OR4D9: variants seen among roughly 807,000 people sequenced by gnomAD.
The protein encoded by OR4D9 is olfactory receptor 4D9.
A neutral mutation model predicts 0.8 loss-of-function variants in OR4D9; 2 were observed. The observed-to-expected ratio is 2.58, with a 90% confidence interval of 1.06 to 8.13. The LOEUF (loss-of-function observed/expected upper bound fraction) is 8.13, where lower values mean the gene tolerates loss of function less well. OR4D9 is among the 30% of genes most tolerant of loss of function. The probability of loss-of-function intolerance (pLI) is 0.04; values close to 1 mark genes in which losing one functional copy is unlikely to be tolerated. For missense variants in OR4D9, 399 were observed against 384.7 expected (o/e 1.04, Z -0.31); for synonymous variants, 146 against 151.2 (o/e 0.97, Z 0.25).
rs1016392788 is a variant in OR4D9 at position 59,520,273 on chromosome 11, C to T, written c.*4416C>T. 1 of 152,050 alleles carries T rather than the reference C, an allele frequency of 6.6e-6. No homozygotes were observed. The highest frequency in any genetic ancestry group is 1.5e-5 in the Non-Finnish European group (1 of 68,030). The allele number at this position is 152,050 out of a possible 1,614,324, so 9.4% of individuals were successfully genotyped here. The stretch of plus-strand genomic sequence containing the variant: ...TACTCATGTAACAAGCCTACACATG[C>T]ACCCGTTGAACCTAAAATAAAAGTT... On this transcript the variant is annotated 3_prime_UTR_variant, in exon 3 of 3. Coordinates refer to ENST00000641962, the MANE Select transcript of OR4D9 (RefSeq NM_001004711.2).
Position 59,516,496 on chromosome 11 carries a change from A to AAAAAAAT in OR4D9, c.*650_*656dup, listed in dbSNP as rs1303695429. 1 of 151,944 alleles carries AAAAAAAT rather than the reference A, an allele frequency of 6.6e-6. No individual in the cohort carries two copies. The highest frequency in any genetic ancestry group is 6.6e-5 in the Admixed American group (1 of 15,228). 9.4% of individuals were successfully genotyped at this position (151,944 alleles called of 1,614,324 possible). ...AGCGAAACTCCATCTCAAAAAAATA[A>AAAAAAAT]AAAAAATAAAAAATAAATAAACAAA... On this transcript the variant is annotated 3_prime_UTR_variant, in exon 3 of 3. Transcript: ENST00000641962.
intron 1 of OR4D9, among the ~76,000 whole-genome samples, chr11:59,512,432 G>T (rs1311016852): frequency 7.0e-6 from 1 of 142,568 alleles, no homozygotes; most frequent in East Asian, 2.0e-4. Context: ...AGCCGAGATT[G>T]TGCCACTGCA....
rs140532960 is a variant in OR4D9 at position 59,515,160 on chromosome 11, T to C, written c.248T>C (p.Ile83Thr). 5.3e-5 allele frequency: 85 copies of C among 1,614,100 alleles called. No individual in the cohort carries two copies. The highest frequency in any genetic ancestry group is 2.3e-5 in the Non-Finnish European group (27 of 1,180,046). ...TCCATCACAGCTCCTAAGGTCCTGATAGATCTTCTATCAGAGACAAAAACC... is the reference window on the plus strand; with the variant it reads ...TCCATCACAGCTCCTAAGGTCCTGACAGATCTTCTATCAGAGACAAAAACC... ...FSSITAPKVL[I>T]DLLSETKTIS... is the part of the protein sequence containing the mutation. Residue 83 changes from isoleucine to threonine, a missense_variant, in exon 3 of 3, where the codon ATA (isoleucine) becomes ACA (threonine). Physicochemically the swap from Ile to Thr is moderately conservative, Grantham distance 89. Coordinates refer to ENST00000641962, the MANE Select transcript of OR4D9 (RefSeq NM_001004711.2).
Position 59,515,723 on chromosome 11 carries a change from A to G in OR4D9, c.811A>G (p.Ile271Val). 6.2e-7 allele frequency: 1 copy of G among 1,613,946 alleles called. No homozygotes were observed. The highest frequency in any genetic ancestry group is 8.5e-7 in the Non-Finnish European group (1 of 1,179,928). The change falls in exon 3 of 3, where the codon ATC becomes GTC. Residue 271 changes from isoleucine to valine, a missense_variant. Ile to Val is a conservative substitution (Grantham distance 29). Transcript: ENST00000641962. ...PFTALPTDTA[I>V]SVTFTVISPL... ...CACTGCCCTCCCCACAGACACTGCC[A>G]TCTCTGTCACCTTCACTGTCATCTC...
In OR4D9 at chr11:59,516,016, T is replaced by A. The variant is rs1859400640; in HGVS notation, c.*159T>A. ...TATATGTTGGGGACCACGTGGATGA[T>A]ACTGCTCTAAGACAAAATCCACTCA... On this transcript the variant is annotated 3_prime_UTR_variant, in exon 3 of 3. Transcript: ENST00000641962. The A allele has an allele frequency of 1.7e-6, 1 of 605,328 alleles. No homozygotes were observed. Among genetic ancestry groups the A allele is most frequent in the African/African-American group, 1.9e-5 (1 of 53,950 alleles). 37.5% of individuals were successfully genotyped at this position (605,328 alleles called of 1,614,324 possible).
At position 59,517,421 on chromosome 11, in the gene OR4D9, C is replaced by T. The variant is rs1024505821; in HGVS notation, c.*1564C>T. 1 of 152,180 alleles carries T rather than the reference C, an allele frequency of 6.6e-6. No homozygotes were observed. The highest frequency in any genetic ancestry group is 2.4e-5 in the African/African-American group (1 of 41,426). 9.4% of individuals were successfully genotyped at this position (152,180 alleles called of 1,614,324 possible). On this transcript the variant is annotated 3_prime_UTR_variant, in exon 3 of 3. Transcript: ENST00000641962. ...GGAAGAATAACTCCATTTATGACCA[C>T]CTGAACAATGCAAGCCCATGATTTC...
intron 1 of OR4D9, among the ~76,000 whole-genome samples, chr11:59,513,298 C>A (rs891194636): frequency 6.6e-6 from 1 of 152,184 alleles, no homozygotes; most frequent in South Asian, 2.1e-4. Flanking sequence ...CTCCACTCAC[C>A]TCAGCCTCCC....
At chr11:59,514,297 A>G (rs1166443004) in intron 1 of OR4D9, among the ~76,000 whole-genome samples, 2 of 152,192 alleles carry the variant, frequency 1.3e-5, no homozygotes, top group Non-Finnish European at 2.9e-5. Flanking sequence ...TTCAGTTTCT[A>G]TCTTTTTCAA....
intron 2 of OR4D9, 43 bp downstream of exon 2, chr11:59,514,809 A>T: frequency 1.3e-6 from 1 of 799,322 alleles, no homozygotes; most frequent in East Asian, 2.5e-5. Context: ...TTCTGAGCCA[A>T]ATCTTAAGTG....
In OR4D9 at chr11:59,515,678, T is replaced by C. The variant is rs776376502; in HGVS notation, c.766T>C (p.Tyr256His). Residue 256 changes from tyrosine to histidine, a missense_variant, in exon 3 of 3, where the codon TAT becomes CAT. Physicochemically the swap from Tyr to His is moderately conservative, Grantham distance 83. Transcript: ENST00000641962. ...VVTLHFVPCI[Y>H]VYARPFTALP... ...GACCCTGCATTTCGTGCCCTGCATC[T>C]ATGTCTATGCCCGGCCCTTCACTGC... 6.2e-7 allele frequency: 1 copy of C among 1,614,184 alleles called. No individual in the cohort carries two copies. The highest frequency in any genetic ancestry group is 8.5e-7 in the Non-Finnish European group (1 of 1,180,030).
intron 1 of OR4D9, 41 bp downstream of exon 1, chr11:59,511,787 A>C (rs1430626523): frequency 6.6e-6 from 1 of 152,212 alleles, no homozygotes; most frequent in Non-Finnish European, 1.5e-5. Context: ...TGTGGCTTGC[A>C]AAATATAGGA....
rs957510762 is a variant in OR4D9, at chr11:59,519,339, G to A, written c.*3482G>A. On this transcript the variant is annotated 3_prime_UTR_variant, in exon 3 of 3. Coordinates refer to ENST00000641962, the MANE Select transcript of OR4D9 (RefSeq NM_001004711.2). ...ACCGTACTCCCACCTGGGCAAAAGA[G>A]TGAGACCCTGTCTCAAAAAAAAAAA... 7 of 151,874 alleles carry A rather than the reference G, an allele frequency of 4.6e-5. No homozygotes were observed. Among genetic ancestry groups the A allele is most frequent in the Non-Finnish European group, 1.0e-4 (7 of 68,264 alleles). The allele number at this position is 151,874 out of a possible 1,614,324, so 9.4% of individuals were successfully genotyped here.
intron 1 of OR4D9, among the ~76,000 whole-genome samples, chr11:59,513,297 C>T (rs986284646): frequency 6.6e-6 from 1 of 152,150 alleles, no homozygotes; most frequent in East Asian, 1.9e-4. Context: ...CCTCCACTCA[C>T]CTCAGCCTCC....
rs1410040951 is a variant in OR4D9, at chr11:59,515,086, C to G, written c.174C>G (p.Pro58=). 1.9e-6 allele frequency: 3 copies of G among 1,614,170 alleles called. No individual in the cohort carries two copies. Among genetic ancestry groups the G allele is most frequent in the Admixed American group, 3.3e-5 (2 of 60,010 alleles). Residue 58 remains proline (P), a synonymous_variant, in exon 3 of 3, where the codon CCC becomes CCG. Coordinates refer to ENST00000641962, the MANE Select transcript of OR4D9 (RefSeq NM_001004711.2). ...CCTGTGAATCTCACCTTCATACGCC[C>G]ATGTACTTCCTGCTCCGCAACCTGT... The part of the protein sequence containing the change: ...TVTCESHLHT[P]MYFLLRNLSI...
At position 59,516,102 on chromosome 11, in the gene OR4D9, A is replaced by G. The variant is rs1282954368; in HGVS notation, c.*245A>G. On this transcript the variant is annotated 3_prime_UTR_variant, in exon 3 of 3. Transcript: ENST00000641962. ...CAAATTTTTATAGAGCATACACTATATGTCTGAAAGTACTGGGATTCAGAT... is the reference window on the plus strand; with the variant it reads ...CAAATTTTTATAGAGCATACACTATGTGTCTGAAAGTACTGGGATTCAGAT... 2.4e-6 allele frequency: 1 copy of G among 412,940 alleles called. No individual in the cohort carries two copies. Among genetic ancestry groups the G allele is most frequent in the Non-Finnish European group, 4.3e-6 (1 of 232,842 alleles). 25.6% of individuals were successfully genotyped at this position (412,940 alleles called of 1,614,324 possible). A position where few individuals can be genotyped will look rare whatever the true frequency, so the allele number is the denominator to read the frequency against.
In OR4D9 at chr11:59,513,049, A is replaced by G. The variant is rs151311423; in HGVS notation, c.-125+1303A>G. On this transcript the variant is annotated intron_variant, in intron 1 of 2. Coordinates refer to ENST00000641962, the MANE Select transcript of OR4D9 (RefSeq NM_001004711.2). ...ACTGAAGTATGATATGCTAACATAC[A>G]GAAAAACGCACATACATGTACAGCT... 3.0e-3 allele frequency among the ~76,000 whole-genome samples: 455 copies of G among 152,316 alleles called. 4 individuals carry two copies. The highest frequency in any genetic ancestry group is 9.8e-3 in the African/African-American group (407 of 41,576).
Position 59,515,457 on chromosome 11 carries a change from C to T in OR4D9, c.545C>T (p.Pro182Leu). The change falls in exon 3 of 3, where the codon CCC becomes CTC. Residue 182 changes from proline to leucine, a missense_variant. Transcript: ENST00000641962. ...CTTGACACTTTCTACTGCGATGTCC[C>T]CCAGGTCCTCAAACTTGCCTGCACT... Reference protein sequence around the residue: ...NVLDTFYCDVPQVLKLACTDT... With the variant: ...NVLDTFYCDVLQVLKLACTDT... 1 of 1,614,130 alleles carries T rather than the reference C, an allele frequency of 6.2e-7. No individual in the cohort carries two copies. The highest frequency in any genetic ancestry group is 8.5e-7 in the Non-Finnish European group (1 of 1,180,018).
At chr11:59,512,413 C>T (rs1288219111) in intron 1 of OR4D9, among the ~76,000 whole-genome samples, 1 of 135,736 alleles carries the variant, frequency 7.4e-6, no homozygotes, top group Non-Finnish European at 1.5e-5. Flanking sequence ...GGAGGCGGAG[C>T]TTGCAGTGAG....
chr11:59,516,684 C>G lies in OR4D9; in HGVS notation c.*827C>G, dbSNP rs189304833. 5 of 152,194 alleles carry G rather than the reference C, an allele frequency of 3.3e-5. No individual in the cohort carries two copies. In the East Asian group the frequency reaches 9.7e-4, roughly 29 times the overall value. The allele number at this position is 152,194 out of a possible 1,614,324, so 9.4% of individuals were successfully genotyped here. On this transcript the variant is annotated 3_prime_UTR_variant, in exon 3 of 3. Coordinates refer to ENST00000641962, the MANE Select transcript of OR4D9 (RefSeq NM_001004711.2). ...GTGTCTTATGCCTGTAATCTTAGCA[C>G]TTTGGGAGGCTGAGGTGGAGGGATC...
Sources: gnomAD v4.1 joint callset for allele counts (sites outside exome capture counted in the v4.1 genomes callset) on GRCh38, gnomAD v4.1.1 for gene constraint, MANE v1.5 for transcripts, NCBI Gene and HGNC (gene_info 2026-07-23, HGNC 2026-07-21) for gene names.